Variants in NSMCE1 observed in about 807,000 individuals in gnomAD.
The protein encoded by NSMCE1 is NSE1 component of SMC5/6 complex, also known as non-structural maintenance of chromosomes element 1 homolog.
NSMCE1 carries 18 observed loss-of-function variants against 29.6 expected under a neutral mutation model. The ratio of observed to expected loss-of-function variants is 0.61; its 90% confidence interval spans 0.42 to 0.90. The LOEUF (loss-of-function observed/expected upper bound fraction) is 0.90. NSMCE1 is among the 40% of genes least tolerant of loss of function. The pLI, the probability that NSMCE1 is intolerant of heterozygous loss-of-function variation, is 0.00. For synonymous variants in NSMCE1, 124 were observed against 133.4 expected, an observed-to-expected ratio of 0.93 and a Z score of 0.49; for missense variants, 314 against 343.6, an observed-to-expected ratio of 0.91 and a Z score of 0.68.
At chr16:27,243,753 T>C (rs2140999163) in intron 2 of NSMCE1, among the ~76,000 whole-genome samples, 1 of 152,306 alleles carries the variant, frequency 6.6e-6, no homozygotes, top group East Asian at 1.9e-4. Context: ...TGGGCTCAAG[T>C]GATCCCCCCA....
At chr16:27,245,504 G>A (rs939065520) in intron 2 of NSMCE1, among the ~76,000 whole-genome samples, 13 of 152,222 alleles carry the variant, frequency 8.5e-5, no homozygotes, top group African/African-American at 2.9e-4. Flanking sequence ...AAAGGGCTGC[G>A]GTGGAGCAGT....
chr16:27,253,578 CTCAAACCCAAGCCT>C (rs771098988), intron 2 of NSMCE1, among the ~76,000 whole-genome samples: 11 of 152,146 alleles, frequency 7.2e-5, no homozygotes, highest in Admixed American at 1.3e-4. Context: ...AGTGGAAAAC[CTCAAACCCAAGCCT>C]TCTCCACCAC....
chr16:27,262,711 A>G (rs1416737988), intron 1 of NSMCE1, among the ~76,000 whole-genome samples: 1 of 152,250 alleles, frequency 6.6e-6, no homozygotes, highest in East Asian at 1.9e-4. Context: ...AGACACCAAA[A>G]GCAATCACAA....
intron 1 of NSMCE1, among the ~76,000 whole-genome samples, chr16:27,264,775 T>C (rs936237963): frequency 3.3e-5 from 5 of 152,172 alleles, no homozygotes; most frequent in Non-Finnish European, 7.3e-5. Context: ...ACTGATAAAC[T>C]TGACTTTTGT....
At position 27,257,442 on chromosome 16, in the gene NSMCE1, G is replaced by A; in HGVS notation, c.129C>T (p.Val43=). 1 of 1,611,462 alleles carries A rather than the reference G, an allele frequency of 6.2e-7. No individual in the cohort carries two copies. Among genetic ancestry groups the A allele is most frequent in the Non-Finnish European group, 8.5e-7 (1 of 1,178,774 alleles). ...CAGGGAAACGGTACTCACGGTCATG[G>A]ACCTTGTAGCAGTGCGTCTGCAAGC... is the stretch of plus-strand genomic sequence containing the variant. ...VKRLQTHCYK[V]HDRNATVDKL... is the part of the protein sequence containing the mutation. Residue 43 remains valine, a synonymous_variant, in exon 2 of 8, where the codon GTC becomes GTT. Transcript: ENST00000361439.
intron 5 of NSMCE1, chr16:27,230,930 C>T (rs1398409338): frequency 2.6e-5 from 4 of 152,446 alleles, no homozygotes; most frequent in Admixed American, 6.5e-5. Flanking sequence ...CTATCCACCA[C>T]CGCCCTCTCC....
intron 1 of NSMCE1, among the ~76,000 whole-genome samples, chr16:27,258,676 A>G (rs2084115889): frequency 6.6e-6 from 1 of 152,118 alleles, no homozygotes; most frequent in East Asian, 1.9e-4. Context: ...AATGAGTCAC[A>G]ACTACCAAAG....
In NSMCE1 at chr16:27,225,099, GAA is replaced by G; in HGVS notation, c.*56_*57del. 1 of 964,412 alleles carries G rather than the reference GAA, an allele frequency of 1.0e-6. No homozygotes were observed. Among genetic ancestry groups the G allele is most frequent in the Non-Finnish European group, 1.6e-6 (1 of 610,180 alleles). The allele number at this position is 964,412 out of a possible 1,614,324, so 59.7% of individuals were successfully genotyped here. On this transcript the variant is annotated 3_prime_UTR_variant, in exon 8 of 8. Coordinates refer to ENST00000361439, the MANE Select transcript of NSMCE1 (RefSeq NM_145080.4). ...TGAAACACGGACGCCTTTCTTCCAA[GAA>G]GGGCTGTGGCGATCAGGCCACTCAA...
intron 7 of NSMCE1, among the ~76,000 whole-genome samples, chr16:27,225,448 C>T (rs1012007126): frequency 6.6e-6 from 1 of 152,356 alleles, no homozygotes; most frequent in African/African-American, 2.4e-5. Flanking sequence ...ATAGCTTTCA[C>T]GTCCCCCTCC....
At chr16:27,249,978 TTTTTGCCAGATCTA>T (rs1316066392) in intron 2 of NSMCE1, among the ~76,000 whole-genome samples, 1 of 152,234 alleles carries the variant, frequency 6.6e-6, no homozygotes, top group African/African-American at 2.4e-5. Flanking sequence ...GTCTAACACA[TTTTTGCCAGATCTA>T]TTCCTAAGCA....
At chr16:27,239,802 G>GAACCTCTA (rs1009524769) in intron 2 of NSMCE1, among the ~76,000 whole-genome samples, 1 of 152,190 alleles carries the variant, frequency 6.6e-6, no homozygotes, top group Non-Finnish European at 1.5e-5. Flanking sequence ...CAAGCAAGTT[G>GAACCTCTA]AACCTCTAAA....
At chr16:27,234,333 T>C (rs990541457) in intron 3 of NSMCE1, 68 bp from the exon 4 acceptor site, 3 of 1,014,166 alleles carry the variant, frequency 3.0e-6, no homozygotes, top group African/African-American at 3.1e-5. Flanking sequence ...TCGCTGGCTC[T>C]CCCTCCCTCC....
chr16:27,228,324 G>A (rs1216687136), intron 5 of NSMCE1, among the ~76,000 whole-genome samples: 7 of 152,222 alleles, frequency 4.6e-5, no homozygotes, highest in South Asian at 2.1e-4. Context: ...GCCCTGCACC[G>A]CAGCTGTTGC....
chr16:27,264,874 T>C (rs1567286592), intron 1 of NSMCE1, among the ~76,000 whole-genome samples: 1 of 152,048 alleles, frequency 6.6e-6, no homozygotes, highest in Non-Finnish European at 1.5e-5. Flanking sequence ...AAACATAAGC[T>C]ACAAAATACA....
intron 1 of NSMCE1, among the ~76,000 whole-genome samples, chr16:27,262,695 C>T (rs1305533526): frequency 6.6e-6 from 1 of 152,066 alleles, no homozygotes; most frequent in Non-Finnish European, 1.5e-5. Context: ...AAAGATCTCA[C>T]GACAAAGACA....
At position 27,253,601 on chromosome 16, in the gene NSMCE1, A is replaced by AC. The variant is rs548468512; in HGVS notation, c.136+3833dup. 2.0e-3 allele frequency among the ~76,000 whole-genome samples: 307 copies of AC among 151,778 alleles called. 1 individual carries two copies. The highest frequency in any genetic ancestry group is 6.8e-3 in the African/African-American group (282 of 41,344). On this transcript the variant is annotated intron_variant, in intron 2 of 7. Coordinates refer to ENST00000361439, the MANE Select transcript of NSMCE1 (RefSeq NM_145080.4). ...ACCTCAAACCCAAGCCTTCTCCACC[A>AC]CCCCCGAGGCCTCCTGTGCCGACTT...
chr16:27,254,162 G>A (rs760377839), intron 2 of NSMCE1, among the ~76,000 whole-genome samples: 67 of 152,166 alleles, frequency 4.4e-4, no homozygotes, highest in Non-Finnish European at 7.9e-4. Context: ...TGGGTCTTGC[G>A]AGTATTCACT....
intron 1 of NSMCE1, among the ~76,000 whole-genome samples, chr16:27,264,086 G>T (rs1596701789): frequency 6.6e-6 from 1 of 152,312 alleles, no homozygotes; most frequent in East Asian, 1.9e-4. Flanking sequence ...CATATTTGCT[G>T]GGCGCGATGG....
At position 27,225,714 on chromosome 16, in the gene NSMCE1, G is replaced by A. The variant is rs374383607; in HGVS notation, c.721+12C>T. On this transcript the variant is annotated intron_variant, in intron 7 of 7. Coordinates refer to ENST00000361439, the MANE Select transcript of NSMCE1 (RefSeq NM_145080.4). ...CCCAGCCCCTCCCATGAGCTCCTCA[G>A]GGCCCACGCACTTGGGATCTCGTGG... is the stretch of plus-strand genomic sequence containing the variant. 4.8e-5 allele frequency: 77 copies of A among 1,613,944 alleles called. No individual in the cohort carries two copies. The African/African-American group carries it at 7.5e-4, about 16-fold the overall frequency.
Sources: allele counts gnomAD v4.1 joint callset (sites outside exome capture counted in the v4.1 genomes callset), GRCh38; gene constraint gnomAD v4.1.1; transcripts MANE v1.5; gene names NCBI Gene and HGNC (gene_info 2026-07-23, HGNC 2026-07-21).